Variants in AHI1 observed in about 807,000 individuals in gnomAD.
AHI1 encodes the protein Abelson helper integration site 1.
In AHI1, 123 loss-of-function variants were observed where a neutral mutation model predicts 149.3. The ratio of observed to expected loss-of-function variants is 0.82; its 90% CI spans 0.71 to 0.96. AHI1 has a LOEUF of 0.96. AHI1 is among the 40% of genes least tolerant of loss of function. AHI1 has a pLI of 0.00. For synonymous variants in AHI1, 475 were observed against 459.8 expected (o/e 1.03, Z -0.42); for missense variants, 1,439 against 1,422.7 (o/e 1.01, Z -0.18).
At chr6:135,417,144 G>A (rs1231919931) in intron 20 of AHI1, among the ~76,000 whole-genome samples, 4 of 151,984 alleles carry the variant, frequency 2.6e-5, no homozygotes, top group Admixed American at 2.6e-4. Context: ...ATAAACAAAT[G>A]CATATCATGT....
At chr6:135,437,502 A>AT (rs1281490070) in intron 15 of AHI1, among the ~76,000 whole-genome samples, 1 of 152,262 alleles carries the variant, frequency 6.6e-6, no homozygotes, top group Non-Finnish European at 1.5e-5. Context: ...TTTCATTTAA[A>AT]TAAAAACTAA....
chr6:135,464,658 G>A (rs558321569), intron 7 of AHI1, among the ~76,000 whole-genome samples: 1 of 152,320 alleles, frequency 6.6e-6, no homozygotes, highest in South Asian at 2.1e-4. Context: ...GCCATGTTGT[G>A]TGTAGACCAT....
intron 26 of AHI1, among the ~76,000 whole-genome samples, chr6:135,316,875 A>G (rs1332981271): frequency 6.6e-6 from 1 of 152,212 alleles, no homozygotes; most frequent in Non-Finnish European, 1.5e-5. Context: ...TAACAAATTG[A>G]GATATCTAAA....
chr6:135,444,826 G>A (rs966162387), intron 13 of AHI1, among the ~76,000 whole-genome samples: 1 of 152,218 alleles, frequency 6.6e-6, no homozygotes, highest in African/African-American at 2.4e-5. Flanking sequence ...ATACTTGTAA[G>A]AGAATGAATC....
rs536659165 is a variant in AHI1 at position 135,321,992 on chromosome 6, A to C, written c.3328+1170T>G. On this transcript the variant is annotated intron_variant, in intron 25 of 28. Coordinates refer to ENST00000265602, the MANE Select transcript of AHI1 (RefSeq NM_001134831.2). The stretch of plus-strand genomic sequence containing the variant: ...CATTTTTTGTATTGTTAGTAGAGAC[A>C]AGGTTTTGCCATGTTGGCCAGGCTG... Among the ~76,000 whole-genome samples, 15 of 152,198 alleles carry C rather than the reference A, an allele frequency of 9.9e-5. No individual in the cohort carries two copies. The East Asian group carries it at 2.9e-3, about 29-fold the overall frequency.
chr6:135,301,024 C>T (rs1308508741), intron 26 of AHI1: 3 of 984,516 alleles, frequency 3.0e-6, no homozygotes, highest in African/African-American at 3.5e-5. Context: ...AAAATGTGTT[C>T]AGTATATCTT....
intron 7 of AHI1, among the ~76,000 whole-genome samples, 174 bp from the exon 8 acceptor site, chr6:135,463,480 A>C (rs915270135): frequency 6.6e-6 from 1 of 152,064 alleles, no homozygotes; most frequent in Non-Finnish European, 1.5e-5. Context: ...AGTGTCAAAT[A>C]GGTATCATAG....
intron 23 of AHI1, among the ~76,000 whole-genome samples, chr6:135,374,978 C>T (rs1775682587): frequency 6.6e-6 from 1 of 152,164 alleles, no homozygotes. Flanking sequence ...GATGATGTGG[C>T]CCAACTGTAT....
chr6:135,424,331 T>C (rs1049062390), intron 20 of AHI1, among the ~76,000 whole-genome samples: 14 of 151,968 alleles, frequency 9.2e-5, no homozygotes, highest in African/African-American at 3.4e-4. Context: ...CAAAATGCTA[T>C]GTAAGTATTT....
At chr6:135,443,392 T>C (rs1319623595) in intron 13 of AHI1, among the ~76,000 whole-genome samples, 1 of 152,206 alleles carries the variant, frequency 6.6e-6, no homozygotes, top group African/African-American at 2.4e-5. Context: ...CAGTGAGCCT[T>C]AGTTCTTCTG....
intron 18 of AHI1, among the ~76,000 whole-genome samples, chr6:135,429,060 T>G (rs1324923583): frequency 6.6e-6 from 1 of 151,596 alleles, no homozygotes; most frequent in African/African-American, 2.4e-5. Context: ...CAAGAGAAAT[T>G]AATTCTAGCT....
chr6:135,392,055 A>T (rs988626956), intron 23 of AHI1, among the ~76,000 whole-genome samples: 3 of 152,152 alleles, frequency 2.0e-5, no homozygotes, highest in African/African-American at 7.2e-5. Flanking sequence ...GTTTGAGAAT[A>T]TTTTAGCTCT....
rs534230013 is a variant in AHI1, at chr6:135,309,483, GT to G, written c.3427-8926del. On this transcript the variant is annotated intron_variant, in intron 26 of 28. Coordinates refer to ENST00000265602, the MANE Select transcript of AHI1 (RefSeq NM_001134831.2). ...TCCTGGGACACAAATAAGCACTTTAGTTTTTTTTTTTTTTTTGAGACGGAGT... is the reference window on the plus strand; with the variant it reads ...TCCTGGGACACAAATAAGCACTTTAGTTTTTTTTTTTTTTTGAGACGGAGT... Among the ~76,000 whole-genome samples, 873 of 139,564 alleles carry G rather than the reference GT, an allele frequency of 6.3e-3. 10 individuals are homozygous for G. Among genetic ancestry groups the G allele is most frequent in the African/African-American group, 0.018 (675 of 38,408 alleles). The allele number at this position is 139,564 out of a possible 152,430, so 91.6% of individuals were successfully genotyped here. A position where few individuals can be genotyped will look rare whatever the true frequency, so the allele number is the denominator to read the frequency against.
At chr6:135,296,659 C>A (rs1368933864) in intron 27 of AHI1, among the ~76,000 whole-genome samples, 1 of 152,220 alleles carries the variant, frequency 6.6e-6, no homozygotes, top group Non-Finnish European at 1.5e-5. Context: ...CTCCGATTTA[C>A]AACTGCAACC....
intron 27 of AHI1, among the ~76,000 whole-genome samples, chr6:135,295,306 A>T (rs1782947201): frequency 6.6e-6 from 1 of 152,244 alleles, no homozygotes; most frequent in African/African-American, 2.4e-5. Flanking sequence ...ACATGTTGGT[A>T]GGACTGTAAA....
chr6:135,368,911 C>T (rs938974804), intron 23 of AHI1, among the ~76,000 whole-genome samples: 1 of 152,248 alleles, frequency 6.6e-6, no homozygotes, highest in Non-Finnish European at 1.5e-5. Context: ...CTCATTTGCT[C>T]CCTCCTTTGG....
In AHI1 at chr6:135,431,315, C is replaced by T; in HGVS notation, c.2267-1G>A. Reference sequence around the variant, plus strand: ...CAATCTCCTGAATACATATGATGACCTATTTAAAAAAATAAGATCACTCAC... The same window carrying T: ...CAATCTCCTGAATACATATGATGACTTATTTAAAAAAATAAGATCACTCAC... On this transcript the variant is annotated splice_acceptor_variant, in intron 16 of 28. Coordinates refer to ENST00000265602, the MANE Select transcript of AHI1 (RefSeq NM_001134831.2). LOFTEE classifies it high-confidence loss of function. The T allele has an allele frequency of 1.3e-6, 2 of 1,565,768 alleles. No individual in the cohort carries two copies. Among genetic ancestry groups the T allele is most frequent in the Non-Finnish European group, 1.7e-6 (2 of 1,144,816 alleles).
At chr6:135,323,855 C>G (rs760733611) in intron 24 of AHI1, among the ~76,000 whole-genome samples, 2 of 152,164 alleles carry the variant, frequency 1.3e-5, no homozygotes, top group African/African-American at 2.4e-5. Flanking sequence ...ACAACTTAAG[C>G]CTTCTATCTT....
At chr6:135,368,790 A>C (rs1352020894) in intron 23 of AHI1, among the ~76,000 whole-genome samples, 1 of 152,216 alleles carries the variant, frequency 6.6e-6, no homozygotes, top group Non-Finnish European at 1.5e-5. Flanking sequence ...GCCAGTGAGC[A>C]GGGTTGAGAA....
Sources: gnomAD v4.1 joint callset for allele counts (sites outside exome capture counted in the v4.1 genomes callset) on GRCh38, gnomAD v4.1.1 for gene constraint, MANE v1.5 for transcripts, NCBI Gene and HGNC (gene_info 2026-07-23, HGNC 2026-07-21) for gene names.